RAF1: variants seen among roughly 807,000 people sequenced by gnomAD.
RAF1 encodes Raf-1 proto-oncogene, serine/threonine kinase, also known as RAF proto-oncogene serine/threonine-protein kinase.
Under a neutral mutation model 81.1 loss-of-function variants are expected in RAF1, and 27 were observed. That is an observed-to-expected ratio of 0.33 (90% CI 0.25 to 0.46). The LOEUF is 0.46. RAF1 is among the 20% of genes least tolerant of loss of function. The pLI, the probability that RAF1 is intolerant of heterozygous loss-of-function variation, is 1.00. For missense variants in RAF1, 598 were observed against 826.0 expected (o/e 0.72, Z 3.38); for synonymous variants, 298 against 294.0 (o/e 1.01, Z -0.14).
intron 5 of RAF1, among the ~76,000 whole-genome samples, chr3:12,607,745 G>A (rs2059080871): frequency 6.6e-6 from 1 of 151,852 alleles, no homozygotes; most frequent in African/African-American, 2.4e-5. Flanking sequence ...GAGGTCAAGA[G>A]ATCGAGACCA....
intron 5 of RAF1, among the ~76,000 whole-genome samples, chr3:12,608,053 G>A (rs1190819440): frequency 6.6e-6 from 1 of 150,448 alleles, no homozygotes; most frequent in African/African-American, 2.4e-5. Flanking sequence ...AAATCAATAC[G>A]TAAGTGACCA....
chr3:12,594,839 T>C (rs538441505), intron 11 of RAF1, among the ~76,000 whole-genome samples: 2 of 152,304 alleles, frequency 1.3e-5, no homozygotes, highest in South Asian at 2.1e-4. Flanking sequence ...ACAGTGCCCA[T>C]GGTACTTGCA....
chr3:12,628,392 T>C (rs1238725971), intron 1 of RAF1, among the ~76,000 whole-genome samples: 2 of 152,068 alleles, frequency 1.3e-5, no homozygotes, highest in Non-Finnish European at 1.5e-5. Flanking sequence ...CCGGGTGTGG[T>C]GGCATGCACC....
intron 1 of RAF1, among the ~76,000 whole-genome samples, chr3:12,655,796 G>A (rs2060671876): frequency 6.6e-6 from 1 of 151,960 alleles, no homozygotes; most frequent in Non-Finnish European, 1.5e-5. Context: ...CCTCAAAAAT[G>A]TGCTAAGTAA....
intron 1 of RAF1, among the ~76,000 whole-genome samples, chr3:12,661,383 T>C (rs2060873136): frequency 6.6e-6 from 1 of 152,194 alleles, no homozygotes; most frequent in Non-Finnish European, 1.5e-5. Flanking sequence ...GTCCAATTTC[T>C]GTAAGACTGG....
At chr3:12,621,734 A>G (rs7643321) in intron 1 of RAF1, among the ~76,000 whole-genome samples, 30,299 of 152,222 alleles carry the variant, frequency 0.2, 3,335 homozygotes, top group African/African-American at 0.29. Context: ...ATACCTAACA[A>G]TAGGGAATTA....
chr3:12,635,316 C>A (rs1450262569), intron 1 of RAF1, among the ~76,000 whole-genome samples: 1 of 48,238 alleles, frequency 2.1e-5, no homozygotes, highest in Non-Finnish European at 3.4e-5. Context: ...GAGACCCTGT[C>A]TCAAAAAAAA....
At chr3:12,644,133 G>A (rs2060273834) in intron 1 of RAF1, among the ~76,000 whole-genome samples, 1 of 152,010 alleles carries the variant, frequency 6.6e-6, no homozygotes, top group East Asian at 1.9e-4. Context: ...AGATTATTAG[G>A]GAGCAGCACA....
chr3:12,649,211 G>C (rs769609454), intron 1 of RAF1, among the ~76,000 whole-genome samples: 38 of 152,206 alleles, frequency 2.5e-4, no homozygotes, highest in Non-Finnish European at 5.0e-4. Flanking sequence ...GTTACAGTAA[G>C]ACACCTGTAA....
intron 4 of RAF1, 21 bp from the exon 5 acceptor site, chr3:12,608,944 TA>T: frequency 6.2e-7 from 1 of 1,613,824 alleles, no homozygotes; most frequent in Non-Finnish European, 8.5e-7. Flanking sequence ...AACACAGGTG[TA>T]AATTATGCTG....
intron 14 of RAF1, chr3:12,586,983 G>C (rs1023844048): frequency 1.3e-5 from 2 of 152,736 alleles, no homozygotes; most frequent in South Asian, 2.1e-4. Context: ...TTATAGGTAC[G>C]TGCCACCACA....
intron 1 of RAF1, among the ~76,000 whole-genome samples, chr3:12,635,319 A>C (rs1407175635): frequency 2.6e-4 from 1 of 3,834 alleles, no homozygotes; most frequent in Non-Finnish European, 3.8e-4. Flanking sequence ...ACCCTGTCTC[A>C]AAAAAAAAAA....
chr3:12,618,550 T>G lies in RAF1; in HGVS notation c.172A>C (p.Ile58Leu), dbSNP rs147984543. 1 of 1,614,216 alleles carries G rather than the reference T, an allele frequency of 6.2e-7. No homozygotes were observed. The highest frequency in any genetic ancestry group is 8.5e-7 in the Non-Finnish European group (1 of 1,180,038). The change falls in exon 2 of 18, where the codon ATC (isoleucine) becomes CTC (leucine). Residue 58 changes from isoleucine to leucine, a missense_variant. By Grantham distance (5) the Ile-to-Leu change is conservative. Transcript: ENST00000442415. ...TGCTTGTTCGGCAAGAAAACACGGA[T>G]AGTGTTGCTTGTCTTAGAAGGATCT... is the stretch of plus-strand genomic sequence containing the variant.
chr3:12,598,109 C>T (rs771942888), intron 11 of RAF1, among the ~76,000 whole-genome samples: 1 of 150,734 alleles, frequency 6.6e-6, no homozygotes, highest in Non-Finnish European at 1.5e-5. Context: ...ACATTCGCCT[C>T]CTGAGCTCAA....
rs2060968199 is a variant in RAF1, at chr3:12,663,933, G to A, written c.-147C>T. ...ACATTCGGCGCGTCCCCAGCCCAGG[G>A]GACGGAGCCCCGAGCAGCCCCCGCA... is the stretch of plus-strand genomic sequence containing the variant. On this transcript the variant is annotated 5_prime_UTR_variant, in exon 1 of 18. Coordinates refer to ENST00000442415, the MANE Select transcript of RAF1 (RefSeq NM_001354689.3). The A allele has an allele frequency of 7.5e-6, 3 of 398,240 alleles. No homozygotes were observed. The highest frequency in any genetic ancestry group is 4.4e-5 in the Admixed American group (1 of 22,716). 24.7% of individuals were successfully genotyped at this position (398,240 alleles called of 1,614,324 possible). A position where few individuals can be genotyped will look rare whatever the true frequency, so the allele number is the denominator to read the frequency against.
At chr3:12,619,441 G>A (rs1354137670) in intron 1 of RAF1, among the ~76,000 whole-genome samples, 3 of 151,886 alleles carry the variant, frequency 2.0e-5, no homozygotes, top group Non-Finnish European at 4.4e-5. Context: ...GTGGGTGTCT[G>A]TCATCCCAGC....
chr3:12,591,268 C>T (rs1261968366), intron 12 of RAF1, among the ~76,000 whole-genome samples: 7 of 152,116 alleles, frequency 4.6e-5, no homozygotes, highest in African/African-American at 1.7e-4. Context: ...GTCACAAGGA[C>T]TCCTTGTAGA....
intron 11 of RAF1, among the ~76,000 whole-genome samples, chr3:12,597,800 A>G (rs2058731398): frequency 6.6e-6 from 1 of 151,790 alleles, no homozygotes; most frequent in South Asian, 2.1e-4. Context: ...CTGTAGTCCT[A>G]GCTACTTGGG....
chr3:12,654,036 G>A (rs2060611366), intron 1 of RAF1, among the ~76,000 whole-genome samples: 1 of 150,010 alleles, frequency 6.7e-6, no homozygotes. Context: ...CTGTTGCCCA[G>A]GCTAGAGCAC....
Sources: allele counts gnomAD v4.1 joint callset (sites outside exome capture counted in the v4.1 genomes callset), GRCh38; gene constraint gnomAD v4.1.1; transcripts MANE v1.5; gene names NCBI Gene and HGNC (gene_info 2026-07-23, HGNC 2026-07-21).